The following NFXL1 variants were observed in gnomAD, a reference collection of about 807,000 sequenced individuals.
NFXL1 encodes the protein NF-X1-type zinc finger protein NFXL1.
NFXL1 carries 66 observed loss-of-function variants against 123.3 expected under a neutral mutation model. The observed-to-expected ratio is 0.54, with a 90% CI of 0.44 to 0.66. The LOEUF (loss-of-function observed/expected upper bound fraction) is 0.66. NFXL1 is among the 30% of genes least tolerant of loss of function. NFXL1 has a pLI of 0.00. For synonymous variants in NFXL1, 346 were observed against 360.8 expected (o/e 0.96, Z 0.46); for missense variants, 944 against 1,125.6 (o/e 0.84, Z 2.31).
In NFXL1 at chr4:47,898,044, C is replaced by A. The variant is rs745469797; in HGVS notation, c.1127G>T (p.Cys376Phe). Residue 376 changes from cysteine (C) to phenylalanine (F), a missense_variant, in exon 9 of 23, where the codon TGT (cysteine) becomes TTT (phenylalanine). Cys to Phe is a radical substitution (Grantham distance 205). Transcript: ENST00000507489. Reference sequence around the variant, plus strand: ...AGCACCAACATGGCAAACTTGCTCACATGTGTGATTACCACATGGCAGTGT... The same window carrying A: ...AGCACCAACATGGCAAACTTGCTCAAATGTGTGATTACCACATGGCAGTGT... ...GKTLPCGNHT[C>F]EQVCHVGACG... 5 of 1,612,368 alleles carry A rather than the reference C, an allele frequency of 3.1e-6. No homozygotes were observed. In the East Asian group the frequency reaches 8.9e-5, roughly 29 times the overall value.
rs532528330 is a variant in NFXL1, at chr4:47,872,160, A to C, written c.2246+2967T>G. ...TAAAGGCCTACCTTTTAAATCTATAACTTAAAAATTATGCTTAAGTAGGCT... is the reference window on the plus strand; with the variant it reads ...TAAAGGCCTACCTTTTAAATCTATACCTTAAAAATTATGCTTAAGTAGGCT... On this transcript the variant is annotated intron_variant, in intron 18 of 22. Coordinates refer to ENST00000507489, the MANE Select transcript of NFXL1 (RefSeq NM_001278624.2). 2.0e-5 allele frequency among the ~76,000 whole-genome samples: 3 copies of C among 152,326 alleles called. No homozygotes were observed. In the East Asian group the frequency reaches 5.8e-4, roughly 29 times the overall value.
At chr4:47,903,548 G>T (rs41342345) in intron 4 of NFXL1, among the ~76,000 whole-genome samples, 4,569 of 152,080 alleles carry the variant, frequency 0.03, 250 homozygotes, top group African/African-American at 0.11. Context: ...CATTCAGCTA[G>T]AAATAATTAC....
At chr4:47,860,993 T>C (rs1734732389) in intron 19 of NFXL1, among the ~76,000 whole-genome samples, 1 of 151,366 alleles carries the variant, frequency 6.6e-6, no homozygotes, top group African/African-American at 2.4e-5. Flanking sequence ...GCTGGGATTA[T>C]AGGCACATGC....
chr4:47,910,798 A>G, intron 3 of NFXL1, 26 bp downstream of exon 3: 2 of 1,460,340 alleles, frequency 1.4e-6, no homozygotes, highest in Non-Finnish European at 1.8e-6. Flanking sequence ...ATTGACGTCA[A>G]AAGTCAAAAT....
chr4:47,905,395 A>AACACAAACTCACTAATAGCACCATATT lies in NFXL1; in HGVS notation c.407-76_407-50dup, dbSNP rs776248308. The AACACAAACTCACTAATAGCACCATATT allele has an allele frequency of 4.4e-5, 39 of 882,590 alleles. 1 individual carries two copies. In the South Asian group the frequency reaches 5.4e-4, roughly 12 times the overall value. The allele number at this position is 882,590 out of a possible 1,614,324, so 54.7% of individuals were successfully genotyped here. A position where few individuals can be genotyped will look rare whatever the true frequency, so the allele number is the denominator to read the frequency against. On this transcript the variant is annotated intron_variant, in intron 3 of 22. Transcript: ENST00000507489. ...CTCACCCTAAACAACATCTGAAAAT[A>AACACAAACTCACTAATAGCACCATATT]ACACAAACTCACTAATAGCACCATA...
In NFXL1 at chr4:47,878,649, C is replaced by A; in HGVS notation, c.1955G>T (p.Cys652Phe). Residue 652 changes from cysteine (C) to phenylalanine (F), a missense_variant, in exon 17 of 23, where the codon TGC becomes TTC. By Grantham distance (205) the Cys-to-Phe change is radical. Around this residue, in one of 4 missense-constraint regions of NFXL1, gnomAD observed 301 missense variants for 348.0 expected, o/e 0.86. Transcript: ENST00000507489. ...ACAAGAGTAGGGTCCTACAGCATGG[C>A]ATGGTAGTGGACTCACCTTAAAAAA... The part of the protein sequence containing the change: ...LGKHEVSPLP[C>F]HAVGPYSCKR... 6.3e-7 allele frequency: 1 copy of A among 1,586,766 alleles called. No homozygotes were observed. Among genetic ancestry groups the A allele is most frequent in the Non-Finnish European group, 8.6e-7 (1 of 1,168,394 alleles).
At chr4:47,855,201 A>C (rs780882272) in intron 19 of NFXL1, 38 bp from the exon 20 acceptor site, 2 of 1,186,782 alleles carry the variant, frequency 1.7e-6, no homozygotes, top group African/African-American at 3.1e-5. Context: ...ACATACTTAC[A>C]TCTTGATCAT....
intron 18 of NFXL1, among the ~76,000 whole-genome samples, chr4:47,872,650 T>G (rs1016767784): frequency 2.0e-5 from 3 of 152,270 alleles, no homozygotes; most frequent in Admixed American, 6.5e-5. Context: ...ATACTAAGTA[T>G]GCAATAGCAT....
rs1737823303 is a variant in NFXL1, at chr4:47,911,429, CGTCTTCT to C, written c.236-442_236-436del. On this transcript the variant is annotated intron_variant, in intron 2 of 22. Transcript: ENST00000507489. ...AGGGAAGGTAGGTATTTCAAACTAC[CGTCTTCT>C]GAACAACAGGTAGGATAGGACACGA... Among the ~76,000 whole-genome samples, 4 of 152,110 alleles carry C rather than the reference CGTCTTCT, an allele frequency of 2.6e-5. No homozygotes were observed. In the South Asian group the frequency reaches 6.2e-4, roughly 24 times the overall value.
At chr4:47,899,691 A>G in intron 5 of NFXL1, 143 bp from the exon 6 acceptor site, 1 of 605,648 alleles carries the variant, frequency 1.7e-6, no homozygotes, top group Non-Finnish European at 2.9e-6. Flanking sequence ...GTGAAAAAAC[A>G]AGATCTTATT....
At chr4:47,885,696 T>G in intron 13 of NFXL1, 39 bp from the exon 14 acceptor site, 1 of 1,552,704 alleles carries the variant, frequency 6.4e-7, no homozygotes, top group African/African-American at 1.4e-5. Flanking sequence ...TTACTTTTAG[T>G]CATTGAATAA....
intron 18 of NFXL1, among the ~76,000 whole-genome samples, chr4:47,868,904 C>G (rs1735264613): frequency 6.6e-6 from 1 of 152,142 alleles, no homozygotes; most frequent in Non-Finnish European, 1.5e-5. Flanking sequence ...GCAAAAACTA[C>G]AGCAGCTGCA....
chr4:47,890,360 A>G (rs1224488115), intron 12 of NFXL1, among the ~76,000 whole-genome samples: 1 of 152,194 alleles, frequency 6.6e-6, no homozygotes, highest in African/African-American at 2.4e-5. Context: ...ATACTTTTAT[A>G]TACAGAAATC....
chr4:47,871,985 ATTATG>A (rs1210698822), intron 18 of NFXL1, among the ~76,000 whole-genome samples: 1 of 152,180 alleles, frequency 6.6e-6, no homozygotes, highest in Non-Finnish European at 1.5e-5. Flanking sequence ...TAAGTGGTAA[ATTATG>A]TTATATCATT....
chr4:47,855,958 A>C (rs1440870794), intron 19 of NFXL1, among the ~76,000 whole-genome samples: 1 of 152,142 alleles, frequency 6.6e-6, no homozygotes, highest in East Asian at 1.9e-4. Context: ...CCTGATATAA[A>C]TCTGCCTATA....
intron 11 of NFXL1, among the ~76,000 whole-genome samples, chr4:47,892,563 G>T (rs1560598614): frequency 6.6e-6 from 1 of 152,190 alleles, no homozygotes; most frequent in Non-Finnish European, 1.5e-5. Flanking sequence ...GTTCCTTACA[G>T]CCAGAATAGA....
At chr4:47,883,863 T>C (rs1426450864) in intron 15 of NFXL1, among the ~76,000 whole-genome samples, 1 of 152,218 alleles carries the variant, frequency 6.6e-6, no homozygotes, top group Admixed American at 6.5e-5. Flanking sequence ...GGATTCCGTA[T>C]TACTGTAGGT....
chr4:47,897,159 T>A (rs1737132397), intron 9 of NFXL1, among the ~76,000 whole-genome samples: 1 of 151,852 alleles, frequency 6.6e-6, no homozygotes, highest in South Asian at 2.1e-4. Context: ...AAAATTTTTT[T>A]AAATGAGCCA....
chr4:47,899,138 C>CAAAAAAAAAAAAAAAAAA lies in NFXL1; in HGVS notation c.827-36_827-19dup, dbSNP rs3057881. 9.6e-7 allele frequency: 1 copy of CAAAAAAAAAAAAAAAAAA among 1,043,436 alleles called. No homozygotes were observed. The highest frequency in any genetic ancestry group is 1.2e-6 in the Non-Finnish European group (1 of 801,920). The allele number at this position is 1,043,436 out of a possible 1,614,324, so 64.6% of individuals were successfully genotyped here. On this transcript the variant is annotated intron_variant, in intron 6 of 22. Transcript: ENST00000507489. ...GCAGGGACCTAGAATTCAGTAAAAG[C>CAAAAAAAAAAAAAAAAAA]AAAAAAAAAAAAAAAAAAAAAATCT...
Sources: gnomAD v4.1 joint callset for allele counts (sites outside exome capture counted in the v4.1 genomes callset) on GRCh38, gnomAD v4.1.1 for gene constraint, gnomAD v4.1.1 regional missense constraint, MANE v1.5 for transcripts, NCBI Gene and HGNC (gene_info 2026-07-23, HGNC 2026-07-21) for gene names.